BLTP1: variants seen among roughly 807,000 people sequenced by gnomAD.
BLTP1 encodes the protein fragile site-associated protein.
chr4:122,199,694 T>C, the BLTP1 span, among the ~76,000 whole-genome samples: 1 of 152,262 alleles, frequency 6.6e-6, no homozygotes, highest in Admixed American at 6.5e-5. Flanking sequence ...CTGAAAAATA[T>C]GAGAAGTTGT....
chr4:122,193,923 C>T, the BLTP1 span, among the ~76,000 whole-genome samples: 4 of 151,752 alleles, frequency 2.6e-5, no homozygotes, highest in Admixed American at 6.6e-5. Context: ...AGTGCAGTGG[C>T]GGGATCTCGG....
chr4:122,191,182 A>G, the BLTP1 span, among the ~76,000 whole-genome samples: 1 of 152,170 alleles, frequency 6.6e-6, no homozygotes, highest in South Asian at 2.1e-4. Context: ...TGGGAAGTAC[A>G]CATAAAGTGC....
chr4:122,358,152 C>T, the BLTP1 span, among the ~76,000 whole-genome samples: 5 of 152,022 alleles, frequency 3.3e-5, no homozygotes, highest in Middle Eastern at 3.2e-3. Flanking sequence ...GTTTTTATGC[C>T]TTAATATTTA....
the BLTP1 span, among the ~76,000 whole-genome samples, chr4:122,159,291 G>C: frequency 1.3e-5 from 2 of 151,704 alleles, no homozygotes; most frequent in Non-Finnish European, 2.9e-5. Context: ...GTGAAACCCC[G>C]TCTCTATTAA....
chr4:122,343,834 C>T, the BLTP1 span: 65 of 512,114 alleles, frequency 1.3e-4, no homozygotes, highest in African/African-American at 9.6e-4. Context: ...ATTTTCTAAG[C>T]GGTATACACA....
chr4:122,157,194 C>T, the BLTP1 span, among the ~76,000 whole-genome samples: 1 of 152,280 alleles, frequency 6.6e-6, no homozygotes, highest in Non-Finnish European at 1.5e-5. Flanking sequence ...AACAAATTAT[C>T]CCAGAACTTA....
chr4:122,359,535 C>G, the BLTP1 span: 2 of 1,602,078 alleles, frequency 1.2e-6, no homozygotes, highest in Non-Finnish European at 8.5e-7. Context: ...ATGTATCATA[C>G]TAATCTAAAT....
chr4:122,339,213 C>T, the BLTP1 span: 1 of 1,612,322 alleles, frequency 6.2e-7, no homozygotes, highest in Non-Finnish European at 8.5e-7. Context: ...TTAGCCCTCA[C>T]AGATCAAATT....
the BLTP1 span, chr4:122,173,072 C>T: frequency 6.2e-7 from 1 of 1,612,302 alleles, no homozygotes; most frequent in Non-Finnish European, 8.5e-7. Context: ...ATTTACCTCA[C>T]ATATTATAAT....
the BLTP1 span, chr4:122,209,727 A>C: frequency 6.8e-7 from 1 of 1,463,512 alleles, no homozygotes; most frequent in South Asian, 1.3e-5. Context: ...TTCAAAAAAT[A>C]ATAATAAAAT....
the BLTP1 span, chr4:122,208,477 G>A: frequency 6.2e-6 from 6 of 968,126 alleles, no homozygotes; most frequent in Non-Finnish European, 7.4e-6. Flanking sequence ...ATTATTAAAA[G>A]CCAGTTGAAG....
At chr4:122,191,927 A>G in the BLTP1 span, among the ~76,000 whole-genome samples, 1 of 152,126 alleles carries the variant, frequency 6.6e-6, no homozygotes, top group Non-Finnish European at 1.5e-5. Context: ...ATTCTTCATT[A>G]AAAGTGAGAT....
At chr4:122,216,164 C>T in the BLTP1 span, among the ~76,000 whole-genome samples, 1 of 151,290 alleles carries the variant, frequency 6.6e-6, no homozygotes, top group East Asian at 1.9e-4. Flanking sequence ...TCTTTATCCA[C>T]TCATTGGTTG....
At chr4:122,189,952 A>G in the BLTP1 span, 15 of 1,587,060 alleles carry the variant, frequency 9.5e-6, no homozygotes, top group South Asian at 1.6e-4. Flanking sequence ...TGAACATTTT[A>G]TATTCTGGAG....
chr4:122,239,853 A>G, the BLTP1 span: 4 of 1,614,148 alleles, frequency 2.5e-6, no homozygotes, highest in South Asian at 2.2e-5. Context: ...AATGGCTGAT[A>G]GTGAAGCCTA....
the BLTP1 span, chr4:122,190,131 C>G: frequency 1.1e-5 from 17 of 1,606,082 alleles, no homozygotes; most frequent in Admixed American, 1.0e-4. Flanking sequence ...GAGTGAGACT[C>G]TGTCACACAG....
At chr4:122,336,040 A>C in the BLTP1 span, 4 of 580,824 alleles carry the variant, frequency 6.9e-6, no homozygotes, top group Non-Finnish European at 1.2e-5. Context: ...TAACATTAAC[A>C]TATCATTCCT....
chr4:122,267,127 C>T, the BLTP1 span, among the ~76,000 whole-genome samples: 3 of 129,234 alleles, frequency 2.3e-5, no homozygotes, highest in Non-Finnish European at 3.1e-5. Flanking sequence ...GGCGCAATCT[C>T]GGCTTACTGC....
the BLTP1 span, among the ~76,000 whole-genome samples, chr4:122,272,798 G>T: frequency 6.6e-6 from 1 of 151,922 alleles, no homozygotes; most frequent in African/African-American, 2.4e-5. Context: ...TCTATAAAAA[G>T]AAGTCCCTTT....
Sources: allele counts gnomAD v4.1 joint callset (sites outside exome capture counted in the v4.1 genomes callset), GRCh38; gene constraint gnomAD v4.1.1; transcripts MANE v1.5; gene names NCBI Gene and HGNC (gene_info 2026-07-23, HGNC 2026-07-21).